Variants in PRKG1 observed in about 807,000 individuals in gnomAD.
PRKG1 encodes cGMP-dependent protein kinase 1.
In PRKG1, 35 loss-of-function variants were observed where a neutral mutation model predicts 88.1. The observed-to-expected ratio is 0.40, with a 90% CI of 0.30 to 0.53. The LOEUF (loss-of-function observed/expected upper bound fraction) is 0.53. PRKG1 is among the 20% of genes least tolerant of loss of function. PRKG1 has a pLI of 0.59. For missense variants in PRKG1, 540 were observed against 839.8 expected (o/e 0.64, Z 4.41); for synonymous variants, 303 against 292.5 (o/e 1.04, Z -0.37).
At chr10:51,335,375 T>C (rs1379887514) in intron 2 of PRKG1, among the ~76,000 whole-genome samples, 2 of 152,194 alleles carry the variant, frequency 1.3e-5, no homozygotes, top group Non-Finnish European at 2.9e-5. Flanking sequence ...AAGGAGGTTT[T>C]TCCCAGACCT....
At chr10:51,588,908 T>TC (rs1414282497) in intron 3 of PRKG1, among the ~76,000 whole-genome samples, 1 of 152,172 alleles carries the variant, frequency 6.6e-6, no homozygotes, top group Non-Finnish European at 1.5e-5. Flanking sequence ...CCCTTTTTTT[T>TC]CAATGATTCT....
At chr10:51,016,673 C>CTTCTTTCTTTTTTTTTTTTT (rs1564571435) in intron 1 of PRKG1, among the ~76,000 whole-genome samples, 1 of 35,184 alleles carries the variant, frequency 2.8e-5, no homozygotes, top group Non-Finnish European at 4.8e-5. Flanking sequence ...ATTATCCTTT[C>CTTCTTTCTTTTTTTTTTTTT]TTTTTTTTTT....
chr10:51,305,547 C>G lies in PRKG1; in HGVS notation c.478+152217C>G, dbSNP rs113142089. Among the ~76,000 whole-genome samples the G allele has an allele frequency of 4.2e-3, 635 of 152,220 alleles. 8 individuals carry two copies. Among genetic ancestry groups the G allele is most frequent in the Non-Finnish European group, 7.0e-3 (474 of 68,006 alleles). On this transcript the variant is annotated intron_variant, in intron 2 of 17. Coordinates refer to ENST00000373980, the MANE Select transcript of PRKG1 (RefSeq NM_006258.4). ...AAAAATCCTCAAAAACAAAAACTTT[C>G]TAAGACCTGTTTACCTTGCAGAAGC...
chr10:52,062,790 G>T, intron 7 of PRKG1, 159 bp downstream of exon 7: 2 of 733,594 alleles, frequency 2.7e-6, no homozygotes, highest in East Asian at 5.1e-5. Context: ...ATTTTCAGCT[G>T]GACTTGGAAT....
In PRKG1 at chr10:52,276,661, G is replaced by A. The variant is rs571865673; in HGVS notation, c.1404-4128G>A. Among the ~76,000 whole-genome samples, 23 of 152,212 alleles carry A rather than the reference G, an allele frequency of 1.5e-4. 1 individual carries two copies. Among genetic ancestry groups the A allele is most frequent in the African/African-American group, 5.5e-4 (23 of 41,540 alleles). On this transcript the variant is annotated intron_variant, in intron 12 of 17. Transcript: ENST00000373980. The stretch of plus-strand genomic sequence containing the variant: ...TTAATTGAAATGACACAGCTGTCAA[G>A]GCATAATTCATTATTTCAAAGAGCT...
intron 3 of PRKG1, among the ~76,000 whole-genome samples, chr10:51,586,495 GT>G (rs1838176681): frequency 6.6e-6 from 1 of 152,070 alleles, no homozygotes; most frequent in Non-Finnish European, 1.5e-5. Context: ...GTTCATATGT[GT>G]TTATGCATTT....
intron 2 of PRKG1, among the ~76,000 whole-genome samples, chr10:51,337,101 A>G (rs1841895186): frequency 6.6e-6 from 1 of 152,200 alleles, no homozygotes; most frequent in Non-Finnish European, 1.5e-5. Context: ...CTTAGGAATA[A>G]GACCACTCCT....
intron 2 of PRKG1, among the ~76,000 whole-genome samples, chr10:51,443,605 C>T (rs7094842): frequency 0.29 from 43,855 of 151,698 alleles, 6,843 homozygotes; most frequent in African/African-American, 0.38. Flanking sequence ...AGAAGCTTTC[C>T]CTTCAGCCCT....
chr10:51,489,080 T>A (rs562566371), intron 3 of PRKG1, among the ~76,000 whole-genome samples: 7 of 151,888 alleles, frequency 4.6e-5, no homozygotes, highest in Non-Finnish European at 7.4e-5. Context: ...CATTGAAAAA[T>A]TATTTGAATG....
intron 3 of PRKG1, among the ~76,000 whole-genome samples, chr10:51,488,140 C>T (rs1840600933): frequency 6.6e-6 from 1 of 152,138 alleles, no homozygotes; most frequent in South Asian, 2.1e-4. Context: ...TCAGCTATGG[C>T]TGACTGGGTG....
chr10:51,733,629 G>T (rs1837178765), intron 3 of PRKG1, among the ~76,000 whole-genome samples: 1 of 152,108 alleles, frequency 6.6e-6, no homozygotes, highest in South Asian at 2.1e-4. Context: ...AGGATGATTT[G>T]ATAAAAAGAA....
In PRKG1 at chr10:52,294,327, C is replaced by T. The variant is rs1195001752; in HGVS notation, c.*427C>T. ...TATGGTACAGAAACTGGGCTATTCC[C>T]TTTCTTCAAGTGAAGGCTGTGGGAT... On this transcript the variant is annotated 3_prime_UTR_variant, in exon 18 of 18. Coordinates refer to ENST00000373980, the MANE Select transcript of PRKG1 (RefSeq NM_006258.4). 1 of 154,046 alleles carries T rather than the reference C, an allele frequency of 6.5e-6. No individual in the cohort carries two copies. Among genetic ancestry groups the T allele is most frequent in the African/African-American group, 2.4e-5 (1 of 41,438 alleles). The allele number at this position is 154,046 out of a possible 1,614,324, so 9.5% of individuals were successfully genotyped here. A position where few individuals can be genotyped will look rare whatever the true frequency, so the allele number is the denominator to read the frequency against.
chr10:51,026,333 T>A (rs1386244461), intron 1 of PRKG1, among the ~76,000 whole-genome samples: 1 of 152,168 alleles, frequency 6.6e-6, no homozygotes, highest in Non-Finnish European at 1.5e-5. Context: ...CATGCCCTCA[T>A]GGGGAGAAAT....
intron 5 of PRKG1, among the ~76,000 whole-genome samples, chr10:51,951,298 A>G (rs1843178290): frequency 6.6e-6 from 1 of 152,204 alleles, no homozygotes; most frequent in African/African-American, 2.4e-5. Context: ...GTAGAAGGCC[A>G]AAAGAATGTG....
At chr10:51,026,319 C>T (rs1382879629) in intron 1 of PRKG1, among the ~76,000 whole-genome samples, 1 of 152,198 alleles carries the variant, frequency 6.6e-6, no homozygotes, top group Non-Finnish European at 1.5e-5. Context: ...CTGTGCCCCT[C>T]TCTCATGCCC....
At chr10:51,208,964 TTA>T (rs1420752530) in intron 2 of PRKG1, among the ~76,000 whole-genome samples, 1 of 152,192 alleles carries the variant, frequency 6.6e-6, no homozygotes, top group Admixed American at 6.5e-5. Flanking sequence ...ATTTTGTGAC[TTA>T]TAAACACTGC....
intron 1 of PRKG1, among the ~76,000 whole-genome samples, chr10:51,002,428 T>C (rs1048512886): frequency 8.5e-5 from 13 of 152,158 alleles, no homozygotes; most frequent in Non-Finnish European, 1.3e-4. Flanking sequence ...CAAGTTAATA[T>C]GATTATTTAT....
At chr10:52,266,225 T>G (rs1215292922) in intron 10 of PRKG1, among the ~76,000 whole-genome samples, 1 of 151,800 alleles carries the variant, frequency 6.6e-6, no homozygotes, top group African/African-American at 2.4e-5. Context: ...AAACTTTTTT[T>G]TAAGTTCTGG....
intron 2 of PRKG1, among the ~76,000 whole-genome samples, chr10:51,301,550 T>G (rs1409634413): frequency 6.6e-6 from 1 of 152,190 alleles, no homozygotes; most frequent in Non-Finnish European, 1.5e-5. Context: ...ATTTGGAAAC[T>G]AATGTTTAAG....
Sources: allele counts gnomAD v4.1 joint callset (sites outside exome capture counted in the v4.1 genomes callset), GRCh38; gene constraint gnomAD v4.1.1; transcripts MANE v1.5; gene names NCBI Gene and HGNC (gene_info 2026-07-23, HGNC 2026-07-21).